The following TRABD variants were observed in gnomAD, a reference collection of about 807,000 sequenced individuals.
The protein encoded by TRABD is TraB domain containing.
TRABD carries 23 observed loss-of-function variants against 39.6 expected under a neutral mutation model. The observed-to-expected ratio is 0.58, with a 90% CI of 0.42 to 0.82. The LOEUF (loss-of-function observed/expected upper bound fraction) is 0.82. Among genes scored for constraint, TRABD ranks in the 40% least tolerant of loss-of-function variants. TRABD has a pLI of 0.00. For missense variants in TRABD, 487 were observed against 544.9 expected, an observed-to-expected ratio of 0.89 and a Z score of 1.06; for synonymous variants, 243 against 232.1, an observed-to-expected ratio of 1.05 and a Z score of -0.43.
At chr22:50,189,863 C>T (rs1483164323) in intron 1 of TRABD, among the ~76,000 whole-genome samples, 1 of 152,126 alleles carries the variant, frequency 6.6e-6, no homozygotes, top group Admixed American at 6.5e-5. Context: ...GGGCTGGGAA[C>T]CAGGTGGGGG....
intron 1 of TRABD, among the ~76,000 whole-genome samples, chr22:50,188,781 A>G (rs1201926139): frequency 6.6e-6 from 1 of 151,992 alleles, no homozygotes; most frequent in African/African-American, 2.4e-5. Context: ...CTCCCACTGG[A>G]TGTCAGGTCC....
In TRABD at chr22:50,198,357, G is replaced by A. The variant is rs754597339; in HGVS notation, c.969G>A (p.Pro323=). Residue 323 remains proline (P), a synonymous_variant, in exon 10 of 10, where the codon CCG becomes CCA. Coordinates refer to ENST00000380909, the MANE Select transcript of TRABD (RefSeq NM_001320485.2). This position sits in a 1 kb window ranked among gnomAD's most constrained non-coding sequence, Gnocchi z 7.9. ...NIQEIMTVPP[P]SVSGRVSRLA... is the part of the protein sequence containing the mutation. ...CTCCCTCCCACAGCGTGCCCCCGCC[G>A]TCCGTCTCCGGCAGAGTGTCTCGGT... 2.8e-5 allele frequency: 44 copies of A among 1,573,414 alleles called. No individual in the cohort carries two copies. The highest frequency in any genetic ancestry group is 1.8e-4 in the East Asian group (8 of 44,250).
intron 4 of TRABD, 148 bp downstream of exon 4, chr22:50,194,654 G>A: frequency 7.3e-7 from 1 of 1,364,296 alleles, no homozygotes; most frequent in Non-Finnish European, 9.9e-7. Context: ...GGAGTGGCAA[G>A]GTGGGCTTCC....
intron 1 of TRABD, among the ~76,000 whole-genome samples, chr22:50,190,205 G>T (rs983779708): frequency 6.6e-6 from 1 of 152,210 alleles, no homozygotes; most frequent in Non-Finnish European, 1.5e-5. Flanking sequence ...CGGGCAGCAC[G>T]CCTCTGCTGA....
intron 1 of TRABD, among the ~76,000 whole-genome samples, chr22:50,189,397 AC>A (rs1245450242): frequency 2.0e-5 from 3 of 151,868 alleles, no homozygotes; most frequent in Non-Finnish European, 4.4e-5. Context: ...CGTGTTCAGC[AC>A]CCACCCCAGT....
chr22:50,194,718 C>T (rs576070727), intron 4 of TRABD, among the ~76,000 whole-genome samples, 182 bp from the exon 5 acceptor site: 6 of 152,240 alleles, frequency 3.9e-5, no homozygotes, highest in Admixed American at 3.9e-4. Context: ...AGTGAACAAG[C>T]CTCACAGCTT....
At chr22:50,195,061 G>C (rs73435224) in intron 5 of TRABD, 21 bp downstream of exon 5, 1 of 1,545,378 alleles carries the variant, frequency 6.5e-7, no homozygotes, top group Admixed American at 1.9e-5. Context: ...GCGGGCAAGG[G>C]TCAGGGTCAG....
At chr22:50,190,224 AG>A (rs1331428507) in intron 1 of TRABD, among the ~76,000 whole-genome samples, 1 of 152,130 alleles carries the variant, frequency 6.6e-6, no homozygotes, top group Non-Finnish European at 1.5e-5. Flanking sequence ...GAGAGGCTGC[AG>A]GGGCCAGGGC....
chr22:50,189,134 C>T (rs1267977026), intron 1 of TRABD, among the ~76,000 whole-genome samples: 2 of 152,232 alleles, frequency 1.3e-5, no homozygotes, highest in East Asian at 1.9e-4. Flanking sequence ...TCTCTGCCTT[C>T]GGGACAGACT....
At chr22:50,196,705 CTTCTTTT>C (rs1253908258) in intron 5 of TRABD, among the ~76,000 whole-genome samples, 1 of 151,766 alleles carries the variant, frequency 6.6e-6, no homozygotes, top group Non-Finnish European at 1.5e-5. Flanking sequence ...GCCTTTTCTT[CTTCTTTT>C]TTTTTTTTTG....
chr22:50,194,320 G>C lies in TRABD; in HGVS notation c.113-20G>C. On this transcript the variant is annotated intron_variant, in intron 3 of 9. Transcript: ENST00000380909. Reference sequence around the variant, plus strand: ...CTTGGGGTGGGCCCGGCACCACAACGGCCTGTGCTGCTGTTGCAGCCGACG... The same window carrying C: ...CTTGGGGTGGGCCCGGCACCACAACCGCCTGTGCTGCTGTTGCAGCCGACG... The C allele has an allele frequency of 6.2e-7, 1 of 1,608,484 alleles. No individual in the cohort carries two copies. The highest frequency in any genetic ancestry group is 8.5e-7 in the Non-Finnish European group (1 of 1,177,146).
At chr22:50,192,500 C>A (rs973101327) in intron 1 of TRABD, 1 of 153,744 alleles carries the variant, frequency 6.5e-6, no homozygotes, top group African/African-American at 2.4e-5. Flanking sequence ...GAGAGAAGGT[C>A]TTAGGTCCAA....
At position 50,198,268 on chromosome 22, in the gene TRABD, G is replaced by A. The variant is rs908084513; in HGVS notation, c.957-77G>A. 58 of 1,520,266 alleles carry A rather than the reference G, an allele frequency of 3.8e-5. No individual in the cohort carries two copies. Among genetic ancestry groups the A allele is most frequent in the Middle Eastern group, 1.8e-4 (1 of 5,458 alleles). The allele number at this position is 1,520,266 out of a possible 1,614,324, so 94.2% of individuals were successfully genotyped here. A position where few individuals can be genotyped will look rare whatever the true frequency, so the allele number is the denominator to read the frequency against. Reference sequence around the variant, plus strand: ...AGCGCCCTGGAGGCCAACCACATGCGGCAGTGACCCAGGCATGGGGGCTGG... The same window carrying A: ...AGCGCCCTGGAGGCCAACCACATGCAGCAGTGACCCAGGCATGGGGGCTGG... On this transcript the variant is annotated intron_variant, in intron 9 of 9. Transcript: ENST00000380909. The surrounding 1 kb of genome is among the most constrained non-coding windows in gnomAD (Gnocchi z 7.9).
rs1483647691 is a variant in TRABD, at chr22:50,194,999, C to A, written c.379C>A (p.Gln127Lys). Reference sequence around the variant, plus strand: ...CGAGAGCACGCTGCTGCGGGAGGCCCAGGAGCTCAGCCTGGAGAAGCTGCA... The same window carrying A: ...CGAGAGCACGCTGCTGCGGGAGGCCAAGGAGCTCAGCCTGGAGAAGCTGCA... ...MDESTLLREAQELSLEKLQQA... is the reference protein window; with the variant it reads ...MDESTLLREAKELSLEKLQQA... The change falls in exon 5 of 10, where the codon CAG becomes AAG. Residue 127 changes from glutamine (Q) to lysine (K), a missense_variant. Gln to Lys is a moderately conservative substitution (Grantham distance 53). Coordinates refer to ENST00000380909, the MANE Select transcript of TRABD (RefSeq NM_001320485.2). 2 of 1,608,466 alleles carry A rather than the reference C, an allele frequency of 1.2e-6. No individual in the cohort carries two copies. The highest frequency in any genetic ancestry group is 1.7e-6 in the Non-Finnish European group (2 of 1,179,178).
At chr22:50,197,609 C>T in intron 7 of TRABD, 21 bp downstream of exon 7, 1 of 1,610,434 alleles carries the variant, frequency 6.2e-7, no homozygotes, top group Non-Finnish European at 8.5e-7. Context: ...CCCCGGGACC[C>T]TGGCCGGCCT....
chr22:50,197,191 G>A (rs780182505), intron 5 of TRABD, 50 bp from the exon 6 acceptor site: 57 of 1,553,320 alleles, frequency 3.7e-5, no homozygotes, highest in East Asian at 9.0e-5. Context: ...TTCCCCCAGC[G>A]CACCCCCGCA....
At chr22:50,186,017 G>T (rs1461257347) in intron 1 of TRABD, 41 bp downstream of exon 1, 1 of 143,678 alleles carries the variant, frequency 7.0e-6, no homozygotes, top group Non-Finnish European at 1.5e-5. Context: ...TGAGGACGGG[G>T]CCCAGCACCG....
intron 3 of TRABD, 38 bp downstream of exon 3, chr22:50,193,692 T>C: frequency 6.3e-7 from 1 of 1,599,238 alleles, no homozygotes; most frequent in Non-Finnish European, 8.6e-7. Context: ...TTCCCCGGTG[T>C]TGGGCTGTTG....
At chr22:50,188,506 C>T (rs1025229632) in intron 1 of TRABD, among the ~76,000 whole-genome samples, 1 of 152,208 alleles carries the variant, frequency 6.6e-6, no homozygotes, top group African/African-American at 2.4e-5. Flanking sequence ...CCCTGGTTGC[C>T]ATGCAGCCTC....
Sources: allele counts gnomAD v4.1 joint callset (sites outside exome capture counted in the v4.1 genomes callset), GRCh38; gene constraint gnomAD v4.1.1; non-coding constraint Gnocchi (gnomAD v3.1); transcripts MANE v1.5; gene names NCBI Gene and HGNC (gene_info 2026-07-23, HGNC 2026-07-21).